Variants in NRG1 observed in about 807,000 individuals in gnomAD.
NRG1 encodes the protein neuregulin 1, also known as pro-neuregulin-1, membrane-bound isoform.
Under a neutral mutation model 63.8 loss-of-function variants are expected in NRG1, and 18 were observed. The observed-to-expected ratio is 0.28, with a 90% CI of 0.19 to 0.42. The LOEUF (loss-of-function observed/expected upper bound fraction) is 0.42. NRG1 is among the 10% of genes least tolerant of loss of function. The pLI is 1.00. For missense variants in NRG1, 762 were observed against 814.7 expected, an observed-to-expected ratio of 0.94 and a Z score of 0.79; for synonymous variants, 302 against 301.3, an observed-to-expected ratio of 1.00 and a Z score of -0.02.
At chr8:32,244,978 T>G (rs1167795975) in intron 1 of NRG1, among the ~76,000 whole-genome samples, 2 of 152,150 alleles carry the variant, frequency 1.3e-5, no homozygotes, top group African/African-American at 4.8e-5. Flanking sequence ...CACAGTACCG[T>G]TCGTTGAGTT....
chr8:32,344,512 G>GCC (rs1198025987), intron 1 of NRG1, among the ~76,000 whole-genome samples: 2 of 148,100 alleles, frequency 1.4e-5, no homozygotes, highest in Non-Finnish European at 3.0e-5. Context: ...GCTCACTGCA[G>GCC]CCCCGACTTC....
intron 1 of NRG1, among the ~76,000 whole-genome samples, chr8:32,417,633 G>C (rs1404150795): frequency 1.3e-5 from 2 of 148,530 alleles, no homozygotes; most frequent in Non-Finnish European, 3.0e-5. Context: ...CTCTCCATTT[G>C]ATATAGAGTC....
chr8:32,385,483 G>T (rs906455153), intron 1 of NRG1, among the ~76,000 whole-genome samples: 2 of 152,176 alleles, frequency 1.3e-5, no homozygotes, highest in Non-Finnish European at 2.9e-5. Context: ...TCATGGTTCT[G>T]CAGGCTGTAT....
intron 1 of NRG1, among the ~76,000 whole-genome samples, chr8:32,157,101 T>C (rs1040637976): frequency 7.1e-6 from 1 of 140,404 alleles, no homozygotes; most frequent in Non-Finnish European, 1.5e-5. Flanking sequence ...TAAGGAGAGG[T>C]GGCTCATACC....
intron 1 of NRG1, among the ~76,000 whole-genome samples, chr8:31,682,030 T>G (rs1174181911): frequency 1.3e-5 from 2 of 152,150 alleles, no homozygotes; most frequent in Non-Finnish European, 2.9e-5. Context: ...TGACAAACCT[T>G]TAATGACATG....
intron 1 of NRG1, among the ~76,000 whole-genome samples, chr8:32,249,760 A>G (rs1423041037): frequency 1.3e-5 from 2 of 152,156 alleles, no homozygotes; most frequent in Non-Finnish European, 2.9e-5. Context: ...TTGAGTAAAC[A>G]AAGATCCCAG....
intron 1 of NRG1, among the ~76,000 whole-genome samples, chr8:32,508,280 C>A (rs1478151852): frequency 2.2e-5 from 3 of 138,424 alleles, no homozygotes; most frequent in African/African-American, 8.2e-5. Flanking sequence ...AACATAAGTC[C>A]ACAATATAAG....
intron 1 of NRG1, among the ~76,000 whole-genome samples, chr8:31,737,000 C>G (rs79219546): frequency 0.013 from 1,944 of 152,196 alleles, 52 homozygotes; most frequent in African/African-American, 0.045. Flanking sequence ...CTGCCTCTTT[C>G]CAGTCGCAGA....
At chr8:32,176,968 C>T (rs1840821311) in intron 1 of NRG1, among the ~76,000 whole-genome samples, 1 of 152,088 alleles carries the variant, frequency 6.6e-6, no homozygotes, top group Non-Finnish European at 1.5e-5. Flanking sequence ...CCCAGCCATC[C>T]CATTACTGGG....
chr8:31,987,037 C>T (rs1048214793), intron 1 of NRG1, among the ~76,000 whole-genome samples: 13 of 152,002 alleles, frequency 8.6e-5, no homozygotes, highest in African/African-American at 2.2e-4. Flanking sequence ...TGGTGGCTCA[C>T]GCCTATAATC....
intron 1 of NRG1, among the ~76,000 whole-genome samples, chr8:31,904,066 A>G (rs1832320747): frequency 6.6e-6 from 1 of 152,230 alleles, no homozygotes; most frequent in African/African-American, 2.4e-5. Flanking sequence ...CAAATTTTAG[A>G]AAACAGTTTT....
intron 1 of NRG1, among the ~76,000 whole-genome samples, chr8:32,559,529 G>A (rs577708640): frequency 7.2e-5 from 11 of 152,234 alleles, no homozygotes; most frequent in African/African-American, 2.6e-4. Flanking sequence ...TACCAAATTT[G>A]CAGATTGCCT....
intron 1 of NRG1, among the ~76,000 whole-genome samples, chr8:32,065,400 G>A (rs1047673177): frequency 2.0e-5 from 3 of 151,996 alleles, no homozygotes; most frequent in Admixed American, 1.3e-4. Flanking sequence ...TCCGCTTCCC[G>A]TGTCCATGTG....
intron 1 of NRG1, among the ~76,000 whole-genome samples, chr8:32,590,446 G>T (rs1842329965): frequency 6.6e-6 from 1 of 152,162 alleles, no homozygotes; most frequent in African/African-American, 2.4e-5. Flanking sequence ...TCCTGCATTT[G>T]AAGCATTAAC....
At chr8:31,853,761 C>T (rs1827521149) in intron 1 of NRG1, among the ~76,000 whole-genome samples, 1 of 151,810 alleles carries the variant, frequency 6.6e-6, no homozygotes, top group African/African-American at 2.4e-5. Flanking sequence ...TCATAGATAG[C>T]TCTTATTATT....
At chr8:31,767,982 G>T (rs768346169) in intron 1 of NRG1, among the ~76,000 whole-genome samples, 1 of 151,414 alleles carries the variant, frequency 6.6e-6, no homozygotes, top group Non-Finnish European at 1.5e-5. Flanking sequence ...TATAACAATT[G>T]ACACAAGAAC....
At chr8:32,473,458 A>AAAG (rs1491330935) in intron 1 of NRG1, among the ~76,000 whole-genome samples, 1 of 152,164 alleles carries the variant, frequency 6.6e-6, no homozygotes, top group African/African-American at 2.4e-5. Context: ...TCAGAACTCC[A>AAAG]AAGTCATAAT....
intron 1 of NRG1, among the ~76,000 whole-genome samples, chr8:32,436,469 G>T (rs1818800614): frequency 6.6e-6 from 1 of 152,142 alleles, no homozygotes; most frequent in Non-Finnish European, 1.5e-5. Context: ...AGGAGCTTAA[G>T]TTGGCTTTAT....
intron 1 of NRG1, among the ~76,000 whole-genome samples, chr8:31,857,326 T>A (rs1222585157): frequency 6.6e-6 from 1 of 152,242 alleles, no homozygotes; most frequent in East Asian, 1.9e-4. Flanking sequence ...GCGCTGTTTT[T>A]TAAGCCGGTT....
Sources: allele counts gnomAD v4.1 joint callset (sites outside exome capture counted in the v4.1 genomes callset), GRCh38; gene constraint gnomAD v4.1.1; transcripts MANE v1.5; gene names NCBI Gene and HGNC (gene_info 2026-07-23, HGNC 2026-07-21).